Variants in RAI14 observed in about 807,000 individuals in gnomAD.
The protein encoded by RAI14 is retinoic acid induced 14.
RAI14 carries 45 observed loss-of-function variants against 115.4 expected under a neutral mutation model. That is an observed-to-expected ratio of 0.39 (90% CI 0.31 to 0.50). The LOEUF (loss-of-function observed/expected upper bound fraction) is 0.50. RAI14 is among the 20% of genes least tolerant of loss of function. The pLI is 0.85. For synonymous variants in RAI14, 371 were observed against 415.4 expected (o/e 0.89, Z 1.30); for missense variants, 939 against 1,131.2 (o/e 0.83, Z 2.44).
chr5:34,786,612 G>A (rs899558559), intron 3 of RAI14, among the ~76,000 whole-genome samples: 2 of 152,110 alleles, frequency 1.3e-5, no homozygotes, highest in African/African-American at 2.4e-5. Context: ...TGATGCTTCC[G>A]AGCTCCCCTT....
rs554492798 is a variant in RAI14 at position 34,746,702 on chromosome 5, A to T, written c.37-10766A>T. Among the ~76,000 whole-genome samples the T allele has an allele frequency of 4.6e-5, 7 of 151,790 alleles. No homozygotes were observed. The South Asian group carries it at 1.3e-3, about 27-fold the overall frequency. On this transcript the variant is annotated intron_variant, in intron 2 of 17. Coordinates refer to ENST00000265109, the MANE Select transcript of RAI14 (RefSeq NM_015577.3). The stretch of plus-strand genomic sequence containing the variant: ...TTTCATGCTATCTCTGTCTCCACTG[A>T]CTCCTTTGCTTGCCCCAGTGTATGA...
chr5:34,704,788 T>C lies in RAI14; in HGVS notation c.36+17833T>C, dbSNP rs951230727. On this transcript the variant is annotated intron_variant, in intron 2 of 17. Coordinates refer to ENST00000265109, the MANE Select transcript of RAI14 (RefSeq NM_015577.3). ...TACCTTTATTTCCTTATAGGATGAC[T>C]TCAGTTTTCTTGCCACACTTACATT... 2.6e-5 allele frequency among the ~76,000 whole-genome samples: 4 copies of C among 152,232 alleles called. No homozygotes were observed. The East Asian group carries it at 7.7e-4, about 29-fold the overall frequency.
chr5:34,688,235 CT>C (rs770476828), intron 2 of RAI14: 11 of 1,550,978 alleles, frequency 7.1e-6, no homozygotes, highest in Middle Eastern at 1.7e-4. Context: ...TGGCTTTCAG[CT>C]AAGGAGAAAA....
At chr5:34,820,330 A>G (rs1215610296) in intron 13 of RAI14, among the ~76,000 whole-genome samples, 1 of 152,224 alleles carries the variant, frequency 6.6e-6, no homozygotes, top group Non-Finnish European at 1.5e-5. Context: ...CTGTAATCCC[A>G]GCACTTTGGG....
rs866333606 is a variant in RAI14, at chr5:34,664,999, A to G, written c.-49+8524A>G. On this transcript the variant is annotated intron_variant, in intron 1 of 17. Coordinates refer to ENST00000265109, the MANE Select transcript of RAI14 (RefSeq NM_015577.3). Reference sequence around the variant, plus strand: ...TAGTATCCATCATATATATATATATATGTGTATATATATATATATGTGTAT... The same window carrying G: ...TAGTATCCATCATATATATATATATGTGTGTATATATATATATATGTGTAT... Among the ~76,000 whole-genome samples, 24 of 35,724 alleles carry G rather than the reference A, an allele frequency of 6.7e-4. 5 individuals are homozygous for G. The highest frequency in any genetic ancestry group is 1.7e-3 in the African/African-American group (21 of 12,080). The allele number at this position is 35,724 out of a possible 152,430, so 23.4% of individuals were successfully genotyped here.
rs747247229 is a variant in RAI14 at position 34,814,669 on chromosome 5, G to A, written c.939G>A (p.Lys313=). The A allele has an allele frequency of 1.9e-6, 3 of 1,598,372 alleles. No individual in the cohort carries two copies. Among genetic ancestry groups the A allele is most frequent in the African/African-American group, 2.7e-5 (2 of 74,616 alleles). The change falls in exon 12 of 18, where the codon AAG becomes AAA. Residue 313 remains lysine, a splice_region_variant and synonymous_variant. Coordinates refer to ENST00000265109, the MANE Select transcript of RAI14 (RefSeq NM_015577.3). ...TATTTTTTGCTGAACCACCCTTCAA[G>A]GTATTTCCTTTCTGTATTCAGTTTT... ...ESVFFAEPPF[K]AEISSIRENK... is the part of the protein sequence containing the mutation.
chr5:34,701,438 T>A (rs2149931461), intron 2 of RAI14, among the ~76,000 whole-genome samples: 1 of 152,296 alleles, frequency 6.6e-6, no homozygotes, highest in Non-Finnish European at 1.5e-5. Flanking sequence ...GTGTCATCTG[T>A]TCCCTCTAAG....
intron 2 of RAI14, among the ~76,000 whole-genome samples, chr5:34,752,834 C>G (rs757860999): frequency 1.3e-5 from 2 of 149,416 alleles, no homozygotes; most frequent in Admixed American, 6.7e-5. Context: ...GTGGTGCAAT[C>G]TCGGTTCACT....
chr5:34,677,828 C>T (rs1245853757), intron 1 of RAI14, among the ~76,000 whole-genome samples: 1 of 152,158 alleles, frequency 6.6e-6, no homozygotes, highest in Admixed American at 6.5e-5. Context: ...ATTTAGAGTC[C>T]TCAATGTTGG....
intron 4 of RAI14, among the ~76,000 whole-genome samples, chr5:34,799,685 A>T (rs1005829587): frequency 2.3e-4 from 24 of 103,386 alleles, no homozygotes; most frequent in African/African-American, 4.3e-4. Flanking sequence ...ATCTGTTAGC[A>T]TTTTTTTTTT....
chr5:34,686,956 G>A lies in RAI14; in HGVS notation c.36+1G>A. On this transcript the variant is annotated splice_donor_variant, in intron 2 of 17. Coordinates refer to ENST00000265109, the MANE Select transcript of RAI14 (RefSeq NM_015577.3). LOFTEE classifies it high-confidence loss of function. The stretch of plus-strand genomic sequence containing the variant: ...GAAAGCGAAGTTCAGGAAGAGTGAC[G>A]TGAGTATGCGGTGACTCACAGTCTG... The A allele has an allele frequency of 1.2e-6, 2 of 1,613,748 alleles. No individual in the cohort carries two copies. Among genetic ancestry groups the A allele is most frequent in the Non-Finnish European group, 1.7e-6 (2 of 1,179,810 alleles).
At chr5:34,806,547 C>T (rs1010874543) in intron 5 of RAI14, among the ~76,000 whole-genome samples, 2 of 151,368 alleles carry the variant, frequency 1.3e-5, no homozygotes, top group African/African-American at 2.4e-5. Flanking sequence ...AGAGTGGAGG[C>T]GAGTTTTGGA....
At chr5:34,814,723 C>A in intron 12 of RAI14, 54 bp downstream of exon 12, 1 of 1,363,818 alleles carries the variant, frequency 7.3e-7, no homozygotes. Context: ...ACATGATAGA[C>A]TTGCTTTAAG....
rs1756856934 is a variant in RAI14, at chr5:34,821,769, C to G, written c.1032C>G (p.Asp344Glu). 1 of 1,612,220 alleles carries G rather than the reference C, an allele frequency of 6.2e-7. No homozygotes were observed. The highest frequency in any genetic ancestry group is 1.1e-5 in the South Asian group (1 of 91,038). ...TATTGGATATAAGTTCTGAAGCTGA[C>G]CAACAAGATCTTCTCTCTCTATTGC... is the stretch of plus-strand genomic sequence containing the variant. ...DSLLDISSEA[D>E]QQDLLSLLQA... Residue 344 changes from aspartate to glutamate, a missense_variant, in exon 14 of 18, where the codon GAC (aspartate) becomes GAG (glutamate). Coordinates refer to ENST00000265109, the MANE Select transcript of RAI14 (RefSeq NM_015577.3).
At chr5:34,694,183 C>G (rs1738959216) in intron 2 of RAI14, among the ~76,000 whole-genome samples, 1 of 152,194 alleles carries the variant, frequency 6.6e-6, no homozygotes, top group Non-Finnish European at 1.5e-5. Flanking sequence ...TCATTTAGAC[C>G]ATTATCTCTT....
intron 11 of RAI14, among the ~76,000 whole-genome samples, chr5:34,813,929 C>T (rs1442503201): frequency 1.3e-5 from 2 of 152,126 alleles, no homozygotes; most frequent in African/African-American, 4.8e-5. Flanking sequence ...AAAATCTTAT[C>T]ACAGAAACTT....
intron 3 of RAI14, among the ~76,000 whole-genome samples, chr5:34,760,110 G>A (rs572806925): frequency 4.3e-5 from 6 of 139,262 alleles, no homozygotes; most frequent in Admixed American, 2.0e-4. Flanking sequence ...GTACAGTGGC[G>A]TGATCTTGGC....
At chr5:34,783,683 C>T (rs1751947678) in intron 3 of RAI14, among the ~76,000 whole-genome samples, 1 of 152,154 alleles carries the variant, frequency 6.6e-6, no homozygotes, top group African/African-American at 2.4e-5. Context: ...CCTGTTTTCC[C>T]CCCTTAGCTC....
At chr5:34,661,663 A>T (rs779264900) in intron 1 of RAI14, among the ~76,000 whole-genome samples, 3 of 152,152 alleles carry the variant, frequency 2.0e-5, no homozygotes, top group Non-Finnish European at 4.4e-5. Flanking sequence ...AGAGGAAAAC[A>T]TAAGTAACAC....
Sources: allele counts gnomAD v4.1 joint callset (sites outside exome capture counted in the v4.1 genomes callset), GRCh38; gene constraint gnomAD v4.1.1; transcripts MANE v1.5; gene names NCBI Gene and HGNC (gene_info 2026-07-23, HGNC 2026-07-21).